Variants in CD300LD observed in about 807,000 individuals in gnomAD.
CD300LD encodes the protein CD300 molecule like family member d, also known as CMRF35-like molecule 5.
A neutral mutation model predicts 20.3 loss-of-function variants in CD300LD; 18 were observed. The observed-to-expected ratio is 0.89, with a 90% CI of 0.61 to 1.32. The LOEUF (loss-of-function observed/expected upper bound fraction) is 1.32. Among genes scored for constraint, CD300LD ranks in the 40% most tolerant of loss-of-function variants. CD300LD has a pLI of 0.00. For synonymous variants in CD300LD, 104 were observed against 90.1 expected (o/e 1.15, Z -0.87); for missense variants, 195 against 226.6 (o/e 0.86, Z 0.90).
At position 74,588,587 on chromosome 17, in the gene CD300LD, A is replaced by C. The variant is rs762282261; in HGVS notation, c.303T>G (p.Asp101Glu). The C allele has an allele frequency of 6.2e-6, 10 of 1,614,182 alleles. No individual in the cohort carries two copies. The East Asian group carries it at 2.2e-4, about 36-fold the overall frequency. The change falls in exon 2 of 4, where the codon GAT becomes GAG. Residue 101 changes from aspartate (D) to glutamate (E), a missense_variant. By Grantham distance (45) the Asp-to-Glu change is conservative. Transcript: ENST00000375352. ...CAGTCCCACACCAATAACTGTCAGCATCATCTCTTTTGAGATTCTCCATGG... is the reference window on the plus strand; with the variant it reads ...CAGTCCCACACCAATAACTGTCAGCCTCATCTCTTTTGAGATTCTCCATGG... The part of the protein sequence containing the change: ...TVTMENLKRD[D>E]ADSYWCGTER...
chr17:74,579,792 G>A lies in CD300LD; in HGVS notation c.*210C>T. 1 of 345,380 alleles carries A rather than the reference G, an allele frequency of 2.9e-6. No homozygotes were observed. Among genetic ancestry groups the A allele is most frequent in the Non-Finnish European group, 5.5e-6 (1 of 181,738 alleles). The allele number at this position is 345,380 out of a possible 1,614,324, so 21.4% of individuals were successfully genotyped here. ...CCCAGCTACTCTGGAGGTTGAGGCA[G>A]GAGGATCGCTTGAGCCTGGGAGGGG... On this transcript the variant is annotated 3_prime_UTR_variant, in exon 4 of 4. Coordinates refer to ENST00000375352, the MANE Select transcript of CD300LD (RefSeq NM_001115152.2).
rs1418019501 is a variant in CD300LD at position 74,588,680 on chromosome 17, T to C, written c.210A>G (p.Ser70=). 6.2e-7 allele frequency: 1 copy of C among 1,614,244 alleles called. No homozygotes were observed. ...YCNILVKTNG[S]EQEVKKNRVS... ...CTCGATTCTTCTTTACCTCCTGCTC[T>C]GATCCATTTGTTTTAACAAGGATGT... is the stretch of plus-strand genomic sequence containing the variant. Residue 70 remains serine (S), a synonymous_variant, in exon 2 of 4, where the codon TCA becomes TCG. Transcript: ENST00000375352.
Position 74,587,220 on chromosome 17 carries a change from G to A in CD300LD, c.379+1291C>T, listed in dbSNP as rs189563297. Among the ~76,000 whole-genome samples the A allele has an allele frequency of 6.3e-4, 95 of 151,934 alleles. No homozygotes were observed. The Middle Eastern group carries it at 0.017, about 27-fold the overall frequency. On this transcript the variant is annotated intron_variant, in intron 2 of 3. Transcript: ENST00000375352. ...GCCATCTGAGCCTGAAATTTTCTTC[G>A]TGAGAAGATGGCAAATGACAAATTC...
Position 74,580,116 on chromosome 17 carries a change from G to C in CD300LD, c.474-3C>G, listed in dbSNP as rs2030000645. ...AGTGGGTGCTCTTGAGCGGGGACCT[G>C]TGGGAACACGGTGACAGGAAATGAG... is the stretch of plus-strand genomic sequence containing the variant. On this transcript the variant is annotated splice_region_variant and splice_polypyrimidine_tract_variant and intron_variant, in intron 3 of 3. Transcript: ENST00000375352. 1 of 1,598,232 alleles carries C rather than the reference G, an allele frequency of 6.3e-7. No homozygotes were observed.
rs1281635989 is a variant in CD300LD at position 74,588,662 on chromosome 17, C to A, written c.228G>T (p.Lys76Asn). Residue 76 changes from lysine (K) to asparagine (N), a missense_variant, in exon 2 of 4, where the codon AAG (lysine) becomes AAT (asparagine). Transcript: ENST00000375352. ...GATTGTCCCTGATGGAAACTCGATT[C>A]TTCTTTACCTCCTGCTCTGATCCAT... ...KTNGSEQEVK[K>N]NRVSIRDNQK... 24 of 1,614,092 alleles carry A rather than the reference C, an allele frequency of 1.5e-5. No individual in the cohort carries two copies. Among genetic ancestry groups the A allele is most frequent in the Non-Finnish European group, 1.9e-5 (23 of 1,180,046 alleles).
At chr17:74,581,005 T>G (rs1429687633) in intron 3 of CD300LD, among the ~76,000 whole-genome samples, 1 of 148,884 alleles carries the variant, frequency 6.7e-6, no homozygotes, top group Non-Finnish European at 1.5e-5. Flanking sequence ...TTGGGGGAGA[T>G]GGAGGAGGGG....
rs760255267 is a variant in CD300LD at position 74,588,792 on chromosome 17, C to T, written c.98G>A (p.Gly33Asp). The T allele has an allele frequency of 1.2e-6, 2 of 1,614,190 alleles. No homozygotes were observed. Among genetic ancestry groups the T allele is most frequent in the South Asian group, 1.1e-5 (1 of 91,080 alleles). The change falls in exon 2 of 4, where the codon GGC (glycine) becomes GAC (aspartate). Residue 33 changes from glycine to aspartate, a missense_variant. Physicochemically the swap from Gly to Asp is moderately conservative, Grantham distance 94. Coordinates refer to ENST00000375352, the MANE Select transcript of CD300LD (RefSeq NM_001115152.2). ...GPTTVNGSEQ[G>D]SLTVQCAYGS... ...ATAAGCACACTGCACAGTCAATGAG[C>T]CCTGCTCCGAGCCATTCACTGTTGT...
At chr17:74,584,634 C>T (rs1190419616) in intron 2 of CD300LD, 1 of 152,242 alleles carries the variant, frequency 6.6e-6, no homozygotes, top group African/African-American at 2.4e-5. Flanking sequence ...CCTCTCCCTC[C>T]CTTCTCTTTC....
At chr17:74,590,232 A>G (rs887642173) in intron 1 of CD300LD, among the ~76,000 whole-genome samples, 1 of 152,088 alleles carries the variant, frequency 6.6e-6, no homozygotes, top group African/African-American at 2.4e-5. Context: ...CTGCTGCCAT[A>G]TAATACATGC....
intron 1 of CD300LD, among the ~76,000 whole-genome samples, chr17:74,591,436 G>A (rs958107826): frequency 2.0e-5 from 3 of 151,890 alleles, no homozygotes; most frequent in Non-Finnish European, 4.4e-5. Flanking sequence ...TTGTTGACAT[G>A]ACAGCCAAAG....
At chr17:74,586,320 G>A (rs557742273) in intron 2 of CD300LD, among the ~76,000 whole-genome samples, 43 of 152,270 alleles carry the variant, frequency 2.8e-4, no homozygotes, top group Non-Finnish European at 4.7e-4. Context: ...TCCTAAAATG[G>A]GAAAATGTTA....
intron 2 of CD300LD, among the ~76,000 whole-genome samples, chr17:74,588,294 C>T (rs566919072): frequency 6.6e-6 from 1 of 152,186 alleles, no homozygotes; most frequent in Admixed American, 6.5e-5. Flanking sequence ...ACCCAGTCAC[C>T]TTTTAAAGGC....
chr17:74,583,430 A>T (rs1296760417), intron 2 of CD300LD, among the ~76,000 whole-genome samples: 2 of 152,238 alleles, frequency 1.3e-5, no homozygotes, highest in East Asian at 3.8e-4. Flanking sequence ...CAAGCCAGGG[A>T]GGGAGGCCTC....
At chr17:74,580,313 TCAGC>T (rs2030005136) in intron 3 of CD300LD, among the ~76,000 whole-genome samples, 200 bp from the exon 4 acceptor site, 1 of 152,182 alleles carries the variant, frequency 6.6e-6, no homozygotes, top group South Asian at 2.1e-4. Context: ...TCCAGTAAAC[TCAGC>T]CTGGCATTCA....
At position 74,580,091 on chromosome 17, in the gene CD300LD, A is replaced by G. The variant is rs757327470; in HGVS notation, c.496T>C (p.Phe166Leu). The G allele has an allele frequency of 1.9e-6, 3 of 1,612,510 alleles. No individual in the cohort carries two copies. Among genetic ancestry groups the G allele is most frequent in the Non-Finnish European group, 2.5e-6 (3 of 1,179,234 alleles). Residue 166 changes from phenylalanine (F) to leucine (L), a missense_variant, in exon 4 of 4, where the codon TTC (phenylalanine) becomes CTC (leucine). Phe to Leu is a conservative substitution (Grantham distance 22). Transcript: ENST00000375352. The part of the protein sequence containing the change: ...LTRSPLKSTH[F>L]LFLFLLELPL... The stretch of plus-strand genomic sequence containing the variant: ...AGCTCCAGGAGGAACAGGAACAGGA[A>G]GTGGGTGCTCTTGAGCGGGGACCTG...
intron 3 of CD300LD, among the ~76,000 whole-genome samples, chr17:74,581,489 C>T (rs962427385): frequency 1.3e-5 from 2 of 152,212 alleles, no homozygotes; most frequent in Admixed American, 6.5e-5. Flanking sequence ...CCTCTGGACA[C>T]CTCCAGGGCT....
chr17:74,590,834 T>C (rs550591118), intron 1 of CD300LD: 3 of 152,110 alleles, frequency 2.0e-5, no homozygotes, highest in African/African-American at 7.2e-5. Context: ...TATAACAACT[T>C]TGGGAGGCTG....
chr17:74,591,064 A>G (rs1324298135), intron 1 of CD300LD, among the ~76,000 whole-genome samples: 1 of 151,876 alleles, frequency 6.6e-6, no homozygotes, highest in Non-Finnish European at 1.5e-5. Context: ...GACAGAGCAC[A>G]CCCTGTCTCA....
intron 3 of CD300LD, among the ~76,000 whole-genome samples, chr17:74,580,698 G>C (rs1719463): frequency 2.0e-5 from 3 of 151,968 alleles, no homozygotes; most frequent in African/African-American, 7.2e-5. Flanking sequence ...CCAGGGTCTC[G>C]ACCTCCCAAC....
Sources: allele counts gnomAD v4.1 joint callset (sites outside exome capture counted in the v4.1 genomes callset), GRCh38; gene constraint gnomAD v4.1.1; transcripts MANE v1.5; gene names NCBI Gene and HGNC (gene_info 2026-07-23, HGNC 2026-07-21).